TMCC2: variants seen among roughly 807,000 people sequenced by gnomAD.
The protein encoded by TMCC2 is transmembrane and coiled-coil domain family 2.
TMCC2 carries 16 observed loss-of-function variants against 49.4 expected under a neutral mutation model. The observed-to-expected ratio is 0.32, with a 90% CI of 0.22 to 0.49. TMCC2 has a LOEUF of 0.49. Ranked by LOEUF, TMCC2 falls within the 20% of genes least tolerant of loss-of-function variation. The probability of loss-of-function intolerance (pLI) is 0.99; values close to 1 mark genes in which losing one functional copy is unlikely to be tolerated. For missense variants in TMCC2, 762 were observed against 989.8 expected (o/e 0.77, Z 3.09); for synonymous variants, 397 against 434.1 (o/e 0.91, Z 1.06).
chr1:205,257,118 G>T, intron 2 of TMCC2: 1 of 1,226,418 alleles, frequency 8.2e-7, no homozygotes, highest in Non-Finnish European at 1.0e-6. Context: ...CTGCCAGATG[G>T]GAAGGAGCAG....
chr1:205,230,202 CCTGT>C, intron 1 of TMCC2: 1 of 982,000 alleles, frequency 1.0e-6, no homozygotes, highest in African/African-American at 1.7e-5. Flanking sequence ...GTGTATGTTA[CCTGT>C]CTGTGTGCCT....
chr1:205,259,041 T>G (rs1380424734), intron 2 of TMCC2, among the ~76,000 whole-genome samples: 3 of 152,216 alleles, frequency 2.0e-5, no homozygotes, highest in Non-Finnish European at 4.4e-5. Flanking sequence ...GCCCAGACCT[T>G]GCTCCCAGGA....
chr1:205,257,177 A>G, intron 2 of TMCC2: 1 of 1,232,498 alleles, frequency 8.1e-7, no homozygotes, highest in African/African-American at 1.5e-5. Context: ...ATCCGCCCCT[A>G]ATCCCCAGGC....
chr1:205,262,303 A>G (rs1159380262), intron 2 of TMCC2, among the ~76,000 whole-genome samples: 1 of 152,010 alleles, frequency 6.6e-6, no homozygotes, highest in African/African-American at 2.4e-5. Flanking sequence ...CTGCTGCAGG[A>G]CTCCCAGGCT....
chr1:205,267,913 A>G, intron 2 of TMCC2: 1 of 981,964 alleles, frequency 1.0e-6, no homozygotes, highest in Non-Finnish European at 1.2e-6. Context: ...CCTTTGAGTT[A>G]CTTCTGGGGC....
In TMCC2 at chr1:205,269,901, C is replaced by A; in HGVS notation, c.1682+17C>A. The A allele has an allele frequency of 6.2e-7, 1 of 1,602,492 alleles. No individual in the cohort carries two copies. Among genetic ancestry groups the A allele is most frequent in the South Asian group, 1.1e-5 (1 of 90,372 alleles). ...GCGCTACAGGTAGGTGCCTGCCCAC[C>A]CCCTCCTGCAGCCCAGCCGGACGTG... On this transcript the variant is annotated intron_variant, in intron 3 of 4. Transcript: ENST00000358024.
chr1:205,271,821 GGA>G lies in TMCC2; in HGVS notation c.1829_1830del (p.Glu610ValfsTer160). ...ERARDIQEAV[E>X]SCLTRVTKLE... is the part of the protein sequence containing the mutation. ...CCCCTCTGCCCCTGCAGGAGGCCGT[GGA>G]GTCCTGCCTGACCCGGGTCACCAAG... On this transcript the variant is annotated frameshift_variant, in exon 5 of 5. Coordinates refer to ENST00000358024, the MANE Select transcript of TMCC2 (RefSeq NM_014858.4). LOFTEE classifies it high-confidence loss of function. 6.2e-7 allele frequency: 1 copy of G among 1,610,690 alleles called. No homozygotes were observed. Among genetic ancestry groups the G allele is most frequent in the Non-Finnish European group, 8.5e-7 (1 of 1,179,696 alleles).
rs746540075 is a variant in TMCC2, at chr1:205,264,625, C to T, written c.748-4325C>T. On this transcript the variant is annotated intron_variant, in intron 2 of 4. Transcript: ENST00000358024. This position sits in a 1 kb window ranked among gnomAD's most constrained non-coding sequence, Gnocchi z 4.2. ...TCAGCCTCCCGAGTAGCTGGGACTACGGGTGCCCGCCACCACATCCCACAC... is the reference window on the plus strand; with the variant it reads ...TCAGCCTCCCGAGTAGCTGGGACTATGGGTGCCCGCCACCACATCCCACAC... 6.6e-5 allele frequency among the ~76,000 whole-genome samples: 10 copies of T among 152,064 alleles called. 1 individual carries two copies. Among genetic ancestry groups the T allele is most frequent in the South Asian group, 4.2e-4 (2 of 4,808 alleles).
chr1:205,261,138 T>A (rs1661094434), intron 2 of TMCC2, among the ~76,000 whole-genome samples: 2 of 152,098 alleles, frequency 1.3e-5, no homozygotes, highest in Admixed American at 1.3e-4. Context: ...CTGTTTTATG[T>A]TTTAGGTATG....
chr1:205,269,119 AG>A lies in TMCC2; in HGVS notation c.918del (p.Glu306AspfsTer13). 1 of 1,614,112 alleles carries A rather than the reference AG, an allele frequency of 6.2e-7. No homozygotes were observed. Among genetic ancestry groups the A allele is most frequent in the Non-Finnish European group, 8.5e-7 (1 of 1,180,036 alleles). On this transcript the variant is annotated frameshift_variant, in exon 3 of 5. Transcript: ENST00000358024. LOFTEE classifies it high-confidence loss of function. ...AAGATCACCGAGCAGATCAAGATTG[AG>A]CAGGAGGCTCGCGACGACAATGTGG... ...ILKITEQIKI[E>X]QEARDDNVAE...
intron 2 of TMCC2, chr1:205,246,434 C>G: frequency 7.7e-7 from 1 of 1,303,840 alleles, no homozygotes; most frequent in Non-Finnish European, 9.9e-7. Context: ...GGGGAGAGAT[C>G]CAAGCTAGAG....
chr1:205,263,772 C>G (rs1661211977), intron 2 of TMCC2, among the ~76,000 whole-genome samples: 1 of 152,182 alleles, frequency 6.6e-6, no homozygotes, highest in African/African-American at 2.4e-5. Flanking sequence ...TGGAGTGAGG[C>G]TGGGCTGTGG....
Position 205,269,246 on chromosome 1 carries a change from C to G in TMCC2, c.1044C>G (p.Ala348=), listed in dbSNP as rs1462207025. Residue 348 remains alanine, a synonymous_variant, in exon 3 of 5, where the codon GCC becomes GCG. Transcript: ENST00000358024. Reference sequence around the variant, plus strand: ...ACCAGAAGTCAGCCCAGACCATCGCCCAGCTGCACAAGAAGCTGGAGCACT... The same window carrying G: ...ACCAGAAGTCAGCCCAGACCATCGCGCAGCTGCACAAGAAGCTGGAGCACT... ...KKNQKSAQTI[A]QLHKKLEHYR... 6.2e-7 allele frequency: 1 copy of G among 1,613,792 alleles called. No individual in the cohort carries two copies. Among genetic ancestry groups the G allele is most frequent in the Admixed American group, 1.7e-5 (1 of 60,014 alleles).
rs761637157 is a variant in TMCC2 at position 205,228,618 on chromosome 1, A to G, written c.54A>G (p.Gly18=). 8 of 1,613,204 alleles carry G rather than the reference A, an allele frequency of 5.0e-6. No homozygotes were observed. Among genetic ancestry groups the G allele is most frequent in the South Asian group, 1.1e-5 (1 of 91,050 alleles). ...AGCAACAACAGGGCGAGGAGGATGGAGCTGGGCTGGAAGATGCCGCTTCCC... is the reference window on the plus strand; with the variant it reads ...AGCAACAACAGGGCGAGGAGGATGGGGCTGGGCTGGAAGATGCCGCTTCCC... ...ELQQQQGEED[G]AGLEDAASHL... is the part of the protein sequence containing the mutation. The change falls in exon 1 of 5, where the codon GGA becomes GGG. Residue 18 remains glycine (G), a synonymous_variant. Transcript: ENST00000358024.
chr1:205,265,728 T>C (rs1205350437), intron 2 of TMCC2, among the ~76,000 whole-genome samples: 1 of 151,094 alleles, frequency 6.6e-6, no homozygotes, highest in Non-Finnish European at 1.5e-5. Context: ...GCCCAGCTAA[T>C]TTTTGTATTT....
intron 1 of TMCC2, chr1:205,230,155 G>C (rs1441870463): frequency 4.1e-6 from 4 of 985,546 alleles, no homozygotes; most frequent in Non-Finnish European, 4.8e-6. Flanking sequence ...TCAGAGTCAG[G>C]AAGTCAGAGC....
chr1:205,254,899 T>C lies in TMCC2; in HGVS notation c.747+12855T>C, dbSNP rs531894322. Among the ~76,000 whole-genome samples, 9 of 152,266 alleles carry C rather than the reference T, an allele frequency of 5.9e-5. No individual in the cohort carries two copies. In the East Asian group the frequency reaches 1.7e-3, roughly 29 times the overall value. On this transcript the variant is annotated intron_variant, in intron 2 of 4. Coordinates refer to ENST00000358024, the MANE Select transcript of TMCC2 (RefSeq NM_014858.4). ...CTGCCTTCTCTTCCTTTTCCTCTGC[T>C]TAATAAGAAAAAGTTTAAAATGTTA...
At chr1:205,268,779 T>C (rs1661450449) in intron 2 of TMCC2, 171 bp from the exon 3 acceptor site, 2 of 638,304 alleles carry the variant, frequency 3.1e-6, no homozygotes, top group Non-Finnish European at 2.7e-6. Context: ...AGAGAGCAGA[T>C]GTGAAAGCCC....
At position 205,272,358 on chromosome 1, in the gene TMCC2, T is replaced by C; in HGVS notation, c.*234T>C. 1.3e-6 allele frequency: 1 copy of C among 747,380 alleles called. No homozygotes were observed. Among genetic ancestry groups the C allele is most frequent in the Non-Finnish European group, 2.1e-6 (1 of 477,828 alleles). The allele number at this position is 747,380 out of a possible 1,614,324, so 46.3% of individuals were successfully genotyped here. On this transcript the variant is annotated 3_prime_UTR_variant, in exon 5 of 5. Transcript: ENST00000358024. ...GATAGTGCGGGCACCTGTGGCCAAG[T>C]GGAGCAGAGGTGGACATGGGGTTGG...
Sources: gnomAD v4.1 joint callset for allele counts (sites outside exome capture counted in the v4.1 genomes callset) on GRCh38, gnomAD v4.1.1 for gene constraint, Gnocchi (gnomAD v3.1) non-coding constraint, MANE v1.5 for transcripts, NCBI Gene and HGNC (gene_info 2026-07-23, HGNC 2026-07-21) for gene names.